The following COL19A1 variants were observed in gnomAD, a reference collection of about 807,000 sequenced individuals.
COL19A1 encodes the protein collagen type XIX alpha 1 chain.
Under a neutral mutation model 190.2 loss-of-function variants are expected in COL19A1, and 159 were observed. The ratio of observed to expected loss-of-function variants is 0.84; its 90% CI spans 0.73 to 0.95. The LOEUF is 0.95. Among genes scored for constraint, COL19A1 ranks in the 40% least tolerant of loss-of-function variants. COL19A1 has a pLI of 0.00. For missense variants in COL19A1, 1,418 were observed against 1,431.9 expected (o/e 0.99, Z 0.16); for synonymous variants, 509 against 458.9 (o/e 1.11, Z -1.39).
chr6:69,931,608 T>C (rs1176855648), intron 6 of COL19A1, among the ~76,000 whole-genome samples: 2 of 152,180 alleles, frequency 1.3e-5, no homozygotes, highest in East Asian at 3.8e-4. Context: ...CATATGTTAC[T>C]GCTGGTATTT....
intron 2 of COL19A1, among the ~76,000 whole-genome samples, chr6:69,897,281 A>T (rs1018843535): frequency 6.6e-6 from 1 of 152,158 alleles, no homozygotes; most frequent in Non-Finnish European, 1.5e-5. Flanking sequence ...AAATAAGGAG[A>T]CCATACGTTT....
chr6:70,176,611 T>G, intron 42 of COL19A1, 47 bp downstream of exon 42: 1 of 1,591,858 alleles, frequency 6.3e-7, no homozygotes, highest in Non-Finnish European at 8.6e-7. Context: ...AACGGTTCTA[T>G]CTCCATGATA....
intron 1 of COL19A1, 21 bp downstream of exon 1, chr6:69,866,661 AC>A (rs2149923875): frequency 6.6e-6 from 1 of 152,388 alleles, no homozygotes; most frequent in Admixed American, 6.5e-5. Context: ...CGGCTTTGCG[AC>A]CGGCTCTGCA....
chr6:70,164,698 A>G (rs1415518953), intron 36 of COL19A1, among the ~76,000 whole-genome samples: 1 of 152,192 alleles, frequency 6.6e-6, no homozygotes, highest in Non-Finnish European at 1.5e-5. Context: ...GGGGAAAAAA[A>G]AGACTTTTCA....
chr6:70,168,110 T>C (rs755430745), intron 38 of COL19A1, 35 bp downstream of exon 38: 7 of 1,594,584 alleles, frequency 4.4e-6, no homozygotes, highest in South Asian at 3.3e-5. Context: ...AATCCAGTTA[T>C]AGACTGCTGT....
intron 9 of COL19A1, among the ~76,000 whole-genome samples, chr6:69,944,450 A>G (rs1272969379): frequency 6.6e-6 from 1 of 152,162 alleles, no homozygotes; most frequent in African/African-American, 2.4e-5. Context: ...CTCCTTCCTA[A>G]TTGCCCAGGA....
At chr6:69,896,365 GTCTCTACTAAAAATACAAAAAATTA>G in intron 2 of COL19A1, among the ~76,000 whole-genome samples, 1 of 151,048 alleles carries the variant, frequency 6.6e-6, no homozygotes, top group East Asian at 1.9e-4. Context: ...GTGAAACCCC[GTCTCTACTAAAAATACAAAAAATTA>G]GCCGGGCGCG....
chr6:69,923,801 G>A (rs1183654665), intron 4 of COL19A1, among the ~76,000 whole-genome samples: 2 of 152,156 alleles, frequency 1.3e-5, no homozygotes, highest in African/African-American at 2.4e-5. Flanking sequence ...GAAGGCTAAG[G>A]TGATTTATAA....
intron 34 of COL19A1, among the ~76,000 whole-genome samples, chr6:70,156,959 A>T (rs1787477115): frequency 6.6e-6 from 1 of 152,104 alleles, no homozygotes; most frequent in Non-Finnish European, 1.5e-5. Context: ...TGTCAGTTAT[A>T]ATTTTTCTGT....
At chr6:69,868,930 C>T (rs1767649919) in intron 1 of COL19A1, among the ~76,000 whole-genome samples, 1 of 151,710 alleles carries the variant, frequency 6.6e-6, no homozygotes. Context: ...GGTAGTGTGA[C>T]TAAGAGGCAT....
intron 35 of COL19A1, 90 bp downstream of exon 35, chr6:70,162,043 C>G: frequency 8.3e-7 from 1 of 1,206,270 alleles, no homozygotes. Flanking sequence ...CTTTTGTTCT[C>G]TGTGCCTCTA....
chr6:69,879,993 G>A, intron 2 of COL19A1: 1 of 335,402 alleles, frequency 3.0e-6, no homozygotes, highest in Non-Finnish European at 5.3e-6. Flanking sequence ...TATAAGTATG[G>A]AAACTCATTA....
intron 18 of COL19A1, among the ~76,000 whole-genome samples, chr6:70,135,499 C>G (rs932147889): frequency 6.6e-6 from 1 of 152,120 alleles, no homozygotes. Flanking sequence ...TCCAAGGATT[C>G]TACGAGTTGT....
intron 15 of COL19A1, among the ~76,000 whole-genome samples, chr6:70,081,815 C>T (rs1487144443): frequency 6.6e-6 from 1 of 151,998 alleles, no homozygotes; most frequent in Non-Finnish European, 1.5e-5. Flanking sequence ...TTTATTCTTA[C>T]TTTTTTAAAA....
At chr6:70,190,466 C>T (rs981973837) in intron 48 of COL19A1, 85 bp downstream of exon 48, 3 of 871,054 alleles carry the variant, frequency 3.4e-6, no homozygotes, top group East Asian at 2.6e-5. Flanking sequence ...GCAACATTCT[C>T]GAAAGATGGC....
intron 9 of COL19A1, among the ~76,000 whole-genome samples, chr6:69,957,492 T>A (rs1266696044): frequency 6.6e-6 from 1 of 152,140 alleles, no homozygotes; most frequent in Non-Finnish European, 1.5e-5. Flanking sequence ...TATTAACTTA[T>A]CTTCCTGTAG....
At chr6:70,132,135 C>T (rs1031000453) in intron 18 of COL19A1, among the ~76,000 whole-genome samples, 3 of 152,172 alleles carry the variant, frequency 2.0e-5, no homozygotes, top group Non-Finnish European at 4.4e-5. Context: ...GGTGGTAGCT[C>T]GCACCTGTAA....
At chr6:70,017,776 A>G (rs1056186796) in intron 11 of COL19A1, among the ~76,000 whole-genome samples, 4 of 152,168 alleles carry the variant, frequency 2.6e-5, no homozygotes, top group African/African-American at 9.6e-5. Context: ...GGGGCTTGTC[A>G]TAAAGATATC....
intron 25 of COL19A1, among the ~76,000 whole-genome samples, chr6:70,146,229 C>T (rs1318096204): frequency 2.0e-5 from 3 of 152,060 alleles, no homozygotes; most frequent in African/African-American, 7.2e-5. Flanking sequence ...GAAAAACTAC[C>T]TGAAATTTCT....
Sources: allele counts gnomAD v4.1 joint callset (sites outside exome capture counted in the v4.1 genomes callset), GRCh38; gene constraint gnomAD v4.1.1; transcripts MANE v1.5; gene names NCBI Gene and HGNC (gene_info 2026-07-23, HGNC 2026-07-21).